The following AKT3 variants were observed in gnomAD, a reference collection of about 807,000 sequenced individuals.
The protein encoded by AKT3 is AKT serine/threonine kinase 3.
Under a neutral mutation model 65.3 loss-of-function variants are expected in AKT3, and 15 were observed. The observed-to-expected ratio is 0.23, with a 90% confidence interval of 0.15 to 0.35. The LOEUF is 0.35. Among genes scored for constraint, AKT3 ranks in the 10% least tolerant of loss-of-function variants. AKT3 has a pLI of 1.00. For missense variants in AKT3, 243 were observed against 576.5 expected (o/e 0.42, Z 5.92); for synonymous variants, 206 against 183.8 (o/e 1.12, Z -0.98).
chr1:243,633,016 C>T (rs1290241671), intron 6 of AKT3, among the ~76,000 whole-genome samples: 3 of 152,162 alleles, frequency 2.0e-5, no homozygotes, highest in Non-Finnish European at 4.4e-5. Context: ...GTTTTGCTTG[C>T]TTATCATCAA....
chr1:243,769,267 A>G (rs1445710855), intron 2 of AKT3, among the ~76,000 whole-genome samples: 1 of 152,204 alleles, frequency 6.6e-6, no homozygotes, highest in Non-Finnish European at 1.5e-5. Context: ...TACTACTACT[A>G]CAAACATTCA....
At chr1:243,664,436 C>T (rs942015790) in intron 4 of AKT3, among the ~76,000 whole-genome samples, 6 of 151,588 alleles carry the variant, frequency 4.0e-5, no homozygotes, top group African/African-American at 1.5e-4. Flanking sequence ...GATCTCCTGA[C>T]CTTGTGATCC....
intron 8 of AKT3, among the ~76,000 whole-genome samples, chr1:243,596,835 C>T (rs746469666): frequency 3.3e-5 from 5 of 152,134 alleles, no homozygotes; most frequent in Admixed American, 6.6e-5. Context: ...GGTGGTATAG[C>T]TGTGCAAAGG....
rs182092083 is a variant in AKT3, at chr1:243,818,385, T to C, written c.46+24740A>G. On this transcript the variant is annotated intron_variant, in intron 2 of 13. Transcript: ENST00000673466. ...AGACTCTAGACTCCATGAGGGCAAG[T>C]GTTTCTTCATCTCAGTATCTCACAC... 2.1e-3 allele frequency among the ~76,000 whole-genome samples: 314 copies of C among 152,284 alleles called. 3 individuals are homozygous for C. The highest frequency in any genetic ancestry group is 2.9e-3 in the Non-Finnish European group (194 of 68,034).
chr1:243,663,553 C>CA (rs1210986098), intron 4 of AKT3, among the ~76,000 whole-genome samples: 1 of 152,052 alleles, frequency 6.6e-6, no homozygotes, highest in Non-Finnish European at 1.5e-5. Flanking sequence ...ATTACGTCTG[C>CA]ACATAGTAAG....
At chr1:243,788,352 A>C (rs1403583825) in intron 2 of AKT3, among the ~76,000 whole-genome samples, 1 of 152,230 alleles carries the variant, frequency 6.6e-6, no homozygotes, top group East Asian at 1.9e-4. Context: ...CATCCTAGGT[A>C]TATTATAACA....
At chr1:243,624,225 C>A (rs75831147) in intron 6 of AKT3, among the ~76,000 whole-genome samples, 2 of 152,172 alleles carry the variant, frequency 1.3e-5, no homozygotes, top group African/African-American at 4.8e-5. Flanking sequence ...GAGACGGCAG[C>A]TGTACTGTGC....
At chr1:243,523,906 CAT>C (rs1297257151) in intron 12 of AKT3, among the ~76,000 whole-genome samples, 21 of 151,376 alleles carry the variant, frequency 1.4e-4, no homozygotes, top group African/African-American at 5.2e-4. Flanking sequence ...AAACTACAGT[CAT>C]GTGTCACTTA....
chr1:243,655,841 T>C (rs1222481880), intron 4 of AKT3, among the ~76,000 whole-genome samples: 1 of 151,972 alleles, frequency 6.6e-6, no homozygotes, highest in Non-Finnish European at 1.5e-5. Flanking sequence ...AATCTCTCCA[T>C]CTCCAATACC....
At chr1:243,543,823 G>A (rs1022713875) in intron 12 of AKT3, among the ~76,000 whole-genome samples, 1 of 152,196 alleles carries the variant, frequency 6.6e-6, no homozygotes, top group African/African-American at 2.4e-5. Flanking sequence ...CTCAAGATAT[G>A]TGAGTTGAAT....
intron 12 of AKT3, among the ~76,000 whole-genome samples, chr1:243,535,766 A>G (rs1224762198): frequency 6.6e-6 from 1 of 152,206 alleles, no homozygotes; most frequent in African/African-American, 2.4e-5. Flanking sequence ...ATCGAATGGT[A>G]CATCTACTAG....
Position 243,826,975 on chromosome 1 carries a change from AATTT to A in AKT3, c.46+16146_46+16149del, listed in dbSNP as rs1268997876. On this transcript the variant is annotated intron_variant, in intron 2 of 13. Coordinates refer to ENST00000673466, the MANE Select transcript of AKT3 (RefSeq NM_005465.7). ...GAAGTCCTAAATAACTTCTCTTAACAATTTTTATATAAATTAATAAAATACATGC... is the reference window on the plus strand; with the variant it reads ...GAAGTCCTAAATAACTTCTCTTAACATTATATAAATTAATAAAATACATGC... Among the ~76,000 whole-genome samples, 6 of 152,236 alleles carry A rather than the reference AATTT, an allele frequency of 3.9e-5. No homozygotes were observed. The East Asian group carries it at 1.2e-3, about 29-fold the overall frequency.
intron 8 of AKT3, among the ~76,000 whole-genome samples, chr1:243,586,706 T>C (rs1191662626): frequency 6.6e-6 from 1 of 151,938 alleles, no homozygotes; most frequent in African/African-American, 2.4e-5. Context: ...ATGGTAACTA[T>C]AGAAACTGGA....
At chr1:243,692,487 C>G (rs546252788) in intron 3 of AKT3, among the ~76,000 whole-genome samples, 1 of 151,514 alleles carries the variant, frequency 6.6e-6, no homozygotes, top group African/African-American at 2.4e-5. Flanking sequence ...AATTCCAGCA[C>G]TTTGGGAGGC....
intron 2 of AKT3, among the ~76,000 whole-genome samples, chr1:243,790,019 T>A (rs1016018624): frequency 6.6e-6 from 1 of 152,156 alleles, no homozygotes; most frequent in African/African-American, 2.4e-5. Context: ...CTTTTTCCAC[T>A]GATAGAGCAC....
chr1:243,656,100 T>TGGGGGGGG (rs1166217143), intron 4 of AKT3, among the ~76,000 whole-genome samples: 1 of 6,546 alleles, frequency 1.5e-4, no homozygotes, highest in Non-Finnish European at 2.4e-4. Context: ...GGTGAGGGTG[T>TGGGGGGGG]GGCGGGGGGG....
At chr1:243,595,516 C>G (rs986889487) in intron 8 of AKT3, among the ~76,000 whole-genome samples, 1 of 152,122 alleles carries the variant, frequency 6.6e-6, no homozygotes, top group African/African-American at 2.4e-5. Flanking sequence ...TTAAAAACGC[C>G]TTGACTCTTT....
intron 2 of AKT3, among the ~76,000 whole-genome samples, chr1:243,753,298 A>C (rs1022399081): frequency 2.0e-5 from 3 of 152,220 alleles, no homozygotes; most frequent in African/African-American, 7.2e-5. Flanking sequence ...TTTAAAAAGA[A>C]AGCTAGGGAA....
chr1:243,560,413 T>C (rs984541620), intron 10 of AKT3, among the ~76,000 whole-genome samples: 1 of 152,122 alleles, frequency 6.6e-6, no homozygotes, highest in Non-Finnish European at 1.5e-5. Context: ...TAAATTCTTA[T>C]TTTTTTAAGG....
Sources: gnomAD v4.1 joint callset for allele counts (sites outside exome capture counted in the v4.1 genomes callset) on GRCh38, gnomAD v4.1.1 for gene constraint, MANE v1.5 for transcripts, NCBI Gene and HGNC (gene_info 2026-07-23, HGNC 2026-07-21) for gene names.